SEMA5A: variants seen among roughly 807,000 people sequenced by gnomAD.
The protein encoded by SEMA5A is semaphorin 5A.
A neutral mutation model predicts 135.5 loss-of-function variants in SEMA5A; 55 were observed. The observed-to-expected ratio is 0.41, with a 90% confidence interval of 0.33 to 0.51. The LOEUF is 0.51. Ranked by LOEUF, SEMA5A falls within the 20% of genes least tolerant of loss-of-function variation. The probability of loss-of-function intolerance (pLI) is 0.37; values close to 1 mark genes in which losing one functional copy is unlikely to be tolerated. For synonymous variants in SEMA5A, 580 were observed against 546.5 expected, an observed-to-expected ratio of 1.06 and a Z score of -0.85; for missense variants, 1,290 against 1,419.9, an observed-to-expected ratio of 0.91 and a Z score of 1.47.
intron 2 of SEMA5A, among the ~76,000 whole-genome samples, chr5:9,390,165 G>C (rs767423502): frequency 6.6e-6 from 1 of 152,132 alleles, no homozygotes; most frequent in Non-Finnish European, 1.5e-5. Context: ...CAAATATAAA[G>C]ATTCCCATGG....
intron 5 of SEMA5A, among the ~76,000 whole-genome samples, chr5:9,311,310 T>G (rs759023929): frequency 1.3e-5 from 2 of 152,032 alleles, no homozygotes; most frequent in Non-Finnish European, 2.9e-5. Context: ...TGAGAACTTC[T>G]AGTCTAAAAA....
chr5:9,351,142 T>C (rs945184565), intron 3 of SEMA5A, among the ~76,000 whole-genome samples: 1 of 148,350 alleles, frequency 6.7e-6, no homozygotes, highest in African/African-American at 2.5e-5. Flanking sequence ...TTCCCTCCAA[T>C]AGCATCAGAA....
intron 1 of SEMA5A, among the ~76,000 whole-genome samples, chr5:9,486,455 A>T (rs1734730580): frequency 6.6e-6 from 1 of 152,188 alleles, no homozygotes; most frequent in South Asian, 2.1e-4. Flanking sequence ...AAATAAATAA[A>T]CAAATAAATA....
At chr5:9,301,868 T>C (rs1318450909) in intron 5 of SEMA5A, among the ~76,000 whole-genome samples, 2 of 152,108 alleles carry the variant, frequency 1.3e-5, no homozygotes, top group Non-Finnish European at 2.9e-5. Context: ...AATATGACTT[T>C]ATTCTCTCAC....
At chr5:9,126,404 G>A (rs1218772367) in intron 13 of SEMA5A, among the ~76,000 whole-genome samples, 1 of 152,156 alleles carries the variant, frequency 6.6e-6, no homozygotes, top group African/African-American at 2.4e-5. Context: ...CCTTGAGGCA[G>A]AGAGTTAGTG....
chr5:9,393,912 T>C (rs1032272580), intron 2 of SEMA5A, among the ~76,000 whole-genome samples: 5 of 152,272 alleles, frequency 3.3e-5, no homozygotes, highest in East Asian at 1.9e-4. Context: ...CAAATATTCA[T>C]GGTCTCTTAT....
chr5:9,058,892 C>T (rs1462082891), intron 18 of SEMA5A, among the ~76,000 whole-genome samples: 1 of 152,146 alleles, frequency 6.6e-6, no homozygotes, highest in Non-Finnish European at 1.5e-5. Context: ...ACACCAACTG[C>T]CCCCTGCCTG....
At chr5:9,404,956 T>C (rs1756817253) in intron 2 of SEMA5A, among the ~76,000 whole-genome samples, 2 of 152,208 alleles carry the variant, frequency 1.3e-5, no homozygotes, top group Non-Finnish European at 1.5e-5. Flanking sequence ...AGGGCGAATA[T>C]AAGGTAACCA....
At chr5:9,361,215 C>T (rs1033830301) in intron 3 of SEMA5A, among the ~76,000 whole-genome samples, 21 of 151,584 alleles carry the variant, frequency 1.4e-4, no homozygotes, top group African/African-American at 4.6e-4. Context: ...ACGAGAATCA[C>T]TTGAACCCAG....
At chr5:9,096,314 T>G (rs1579384623) in intron 16 of SEMA5A, among the ~76,000 whole-genome samples, 1 of 152,190 alleles carries the variant, frequency 6.6e-6, no homozygotes, top group African/African-American at 2.4e-5. Flanking sequence ...TTTGCTACTT[T>G]GTGTTATTTG....
chr5:9,483,694 C>T (rs191746519), intron 1 of SEMA5A, among the ~76,000 whole-genome samples: 1 of 152,244 alleles, frequency 6.6e-6, no homozygotes, highest in Non-Finnish European at 1.5e-5. Context: ...CTGGTACCTG[C>T]CAACCGAGCC....
rs577804281 is a variant in SEMA5A, at chr5:9,204,528, T to C, written c.647-2288A>G. Among the ~76,000 whole-genome samples, 6 of 152,234 alleles carry C rather than the reference T, an allele frequency of 3.9e-5. No individual in the cohort carries two copies. Among genetic ancestry groups the C allele is most frequent in the Non-Finnish European group, 8.8e-5 (6 of 68,038 alleles). On this transcript the variant is annotated intron_variant, in intron 8 of 22. Transcript: ENST00000382496. This position sits in a 1 kb window ranked among gnomAD's most constrained non-coding sequence, Gnocchi z 6.4. ...CAGCTAATATCTGTAGAATGCTAAG[T>C]CTTGTGCCAAGATCTGTGCTTGGTG...
intron 11 of SEMA5A, among the ~76,000 whole-genome samples, chr5:9,173,716 T>C (rs1001145238): frequency 6.6e-6 from 1 of 152,190 alleles, no homozygotes; most frequent in Non-Finnish European, 1.5e-5. Flanking sequence ...TTGGTATCAT[T>C]GCAAGAGGGC....
intron 1 of SEMA5A, among the ~76,000 whole-genome samples, chr5:9,492,972 A>G (rs1175941192): frequency 6.6e-6 from 1 of 152,146 alleles, no homozygotes; most frequent in Non-Finnish European, 1.5e-5. Context: ...AAATCTGTAG[A>G]ATATACAACA....
intron 11 of SEMA5A, among the ~76,000 whole-genome samples, chr5:9,178,523 G>A (rs1744333279): frequency 6.6e-6 from 1 of 151,882 alleles, no homozygotes; most frequent in Admixed American, 6.6e-5. Flanking sequence ...AGTAGAGACA[G>A]GTTTCACCCT....
intron 2 of SEMA5A, among the ~76,000 whole-genome samples, chr5:9,415,717 G>A (rs1003797492): frequency 6.6e-6 from 1 of 152,166 alleles, no homozygotes; most frequent in African/African-American, 2.4e-5. Flanking sequence ...TAGAAGCCCT[G>A]CTGAACACCT....
chr5:9,157,383 C>T (rs1042762037), intron 11 of SEMA5A, among the ~76,000 whole-genome samples: 14 of 152,328 alleles, frequency 9.2e-5, no homozygotes, highest in Admixed American at 5.2e-4. Flanking sequence ...GGACTGGAGA[C>T]ACCAGAAACT....
chr5:9,049,907 A>C (rs986673981), intron 21 of SEMA5A, among the ~76,000 whole-genome samples: 2 of 152,250 alleles, frequency 1.3e-5, no homozygotes, highest in Non-Finnish European at 2.9e-5. Flanking sequence ...GTATAACCTT[A>C]TGCCTCATTA....
At position 9,340,393 on chromosome 5, in the gene SEMA5A, A is replaced by C. The variant is rs1408516845; in HGVS notation, c.125-2581T>G. Among the ~76,000 whole-genome samples the C allele has an allele frequency of 2.6e-5, 4 of 152,326 alleles. No homozygotes were observed. The South Asian group carries it at 6.2e-4, about 24-fold the overall frequency. On this transcript the variant is annotated intron_variant, in intron 3 of 22. Transcript: ENST00000382496. Reference sequence around the variant, plus strand: ...AGGGGAGTGAAGAGATGAGCCTCTAAGAGGAAAAAAGACTACGAAAGATAG... The same window carrying C: ...AGGGGAGTGAAGAGATGAGCCTCTACGAGGAAAAAAGACTACGAAAGATAG...
Sources: gnomAD v4.1 joint callset for allele counts (sites outside exome capture counted in the v4.1 genomes callset) on GRCh38, gnomAD v4.1.1 for gene constraint, Gnocchi (gnomAD v3.1) non-coding constraint, MANE v1.5 for transcripts, NCBI Gene and HGNC (gene_info 2026-07-23, HGNC 2026-07-21) for gene names.